The following ROBO2 variants were observed in gnomAD, a reference collection of about 807,000 sequenced individuals.
ROBO2 encodes roundabout guidance receptor 2.
ROBO2 carries 53 observed loss-of-function variants against 160.8 expected under a neutral mutation model. The ratio of observed to expected loss-of-function variants is 0.33; its 90% CI spans 0.26 to 0.41. ROBO2 has a LOEUF of 0.41. ROBO2 is among the 10% of genes least tolerant of loss of function. ROBO2 has a pLI of 1.00. For missense variants in ROBO2, 1,577 were observed against 1,722.4 expected, an observed-to-expected ratio of 0.92 and a Z score of 1.49; for synonymous variants, 664 against 611.7, an observed-to-expected ratio of 1.09 and a Z score of -1.26.
chr3:76,059,975 T>G (rs967001874), intron 2 of ROBO2, among the ~76,000 whole-genome samples: 5 of 152,202 alleles, frequency 3.3e-5, no homozygotes, highest in African/African-American at 1.2e-4. Context: ...TGTGATGTTA[T>G]TTGTGAGGGC....
At chr3:77,537,339 A>C (rs996195586) in intron 6 of ROBO2, among the ~76,000 whole-genome samples, 3 of 152,178 alleles carry the variant, frequency 2.0e-5, no homozygotes, top group Non-Finnish European at 4.4e-5. Context: ...ACCATCAACA[A>C]ATTCCAAGAC....
chr3:76,100,404 A>G (rs181369168), intron 2 of ROBO2, among the ~76,000 whole-genome samples: 7 of 152,324 alleles, frequency 4.6e-5, no homozygotes, highest in Admixed American at 4.6e-4. Context: ...GCTCTCTGCA[A>G]CTTCAAGACT....
chr3:76,461,333 C>A (rs920155152), intron 2 of ROBO2, among the ~76,000 whole-genome samples: 1 of 152,164 alleles, frequency 6.6e-6, no homozygotes, highest in Non-Finnish European at 1.5e-5. Context: ...CATCTCCCAC[C>A]AGGCTCTGCC....
At chr3:76,050,300 GT>G (rs1378284354) in intron 2 of ROBO2, among the ~76,000 whole-genome samples, 2 of 152,130 alleles carry the variant, frequency 1.3e-5, no homozygotes, top group African/African-American at 4.8e-5. Context: ...CAGACTCTAA[GT>G]TCTTCAGCTT....
chr3:76,262,901 T>C lies in ROBO2; in HGVS notation c.109+325299T>C, dbSNP rs554395667. Reference sequence around the variant, plus strand: ...AAATTGGTTCCAAATCTTCTAAAAATTTAAAAAGTTGGAAATTCAAGTTTT... The same window carrying C: ...AAATTGGTTCCAAATCTTCTAAAAACTTAAAAAGTTGGAAATTCAAGTTTT... On this transcript the variant is annotated intron_variant, in intron 2 of 26. Coordinates refer to the ROBO2 transcript ENST00000487694. 3.3e-5 allele frequency among the ~76,000 whole-genome samples: 5 copies of C among 152,242 alleles called. No homozygotes were observed. The South Asian group carries it at 8.3e-4, about 25-fold the overall frequency.
intron 2 of ROBO2, among the ~76,000 whole-genome samples, chr3:76,416,012 A>G (rs1308186583): frequency 6.6e-6 from 1 of 152,164 alleles, no homozygotes; most frequent in Non-Finnish European, 1.5e-5. Flanking sequence ...ACACACAAAC[A>G]GCATGCAGGA....
intron 2 of ROBO2, among the ~76,000 whole-genome samples, chr3:77,370,616 C>T (rs1490454503): frequency 6.6e-6 from 1 of 152,242 alleles, no homozygotes; most frequent in African/African-American, 2.4e-5. Flanking sequence ...ACCACGGCCA[C>T]ATGCCAGGTC....
chr3:77,186,480 G>A (rs539291894), intron 2 of ROBO2, among the ~76,000 whole-genome samples: 6 of 152,092 alleles, frequency 3.9e-5, no homozygotes, highest in African/African-American at 1.4e-4. Flanking sequence ...ATGCAGGCAA[G>A]GCTGAGGAAT....
chr3:76,758,669 A>G (rs1560510623), intron 2 of ROBO2, among the ~76,000 whole-genome samples: 2 of 151,812 alleles, frequency 1.3e-5, no homozygotes, highest in South Asian at 4.1e-4. Context: ...GGAAAATGAA[A>G]CTTCTATGAT....
intron 2 of ROBO2, among the ~76,000 whole-genome samples, chr3:76,568,536 G>A (rs1417339563): frequency 6.6e-6 from 1 of 151,036 alleles, no homozygotes; most frequent in African/African-American, 2.4e-5. Flanking sequence ...TCGATCTCCT[G>A]ACCTCGTGAT....
rs530925248 is a variant in ROBO2, at chr3:76,036,573, C to T, written c.109+98971C>T. ...AGGCTGGAGCTCAATGGCGTGATCTCGGCTCACCGCAACCTCTGCCTCCCA... is the reference window on the plus strand; with the variant it reads ...AGGCTGGAGCTCAATGGCGTGATCTTGGCTCACCGCAACCTCTGCCTCCCA... On this transcript the variant is annotated intron_variant, in intron 2 of 26. Coordinates refer to the ROBO2 transcript ENST00000487694. Among the ~76,000 whole-genome samples the T allele has an allele frequency of 7.2e-5, 11 of 151,998 alleles. No individual in the cohort carries two copies. The South Asian group carries it at 8.3e-4, about 11-fold the overall frequency.
At chr3:76,402,674 G>A (rs757274934) in intron 2 of ROBO2, among the ~76,000 whole-genome samples, 25 of 151,528 alleles carry the variant, frequency 1.6e-4, no homozygotes, top group Non-Finnish European at 3.3e-4. Context: ...CTAACTGGCT[G>A]CAAAGTGAGA....
chr3:77,240,292 TG>T (rs1312129239), intron 2 of ROBO2, among the ~76,000 whole-genome samples: 4 of 152,112 alleles, frequency 2.6e-5, no homozygotes, highest in Non-Finnish European at 5.9e-5. Context: ...CTGGCAGTGC[TG>T]GGGGACCCGG....
At chr3:77,477,134 C>T (rs1313360576) in intron 2 of ROBO2, among the ~76,000 whole-genome samples, 2 of 152,014 alleles carry the variant, frequency 1.3e-5, no homozygotes, top group Non-Finnish European at 1.5e-5. Context: ...TTTAATTAAT[C>T]GCAGAACTGT....
At chr3:77,060,261 C>A (rs770794156) in intron 1 of ROBO2, among the ~76,000 whole-genome samples, 1 of 152,100 alleles carries the variant, frequency 6.6e-6, no homozygotes, top group Non-Finnish European at 1.5e-5. Flanking sequence ...GCCAGGCTAC[C>A]CATTCCAGCT....
chr3:76,748,872 A>G (rs902041007), intron 2 of ROBO2, among the ~76,000 whole-genome samples: 2 of 151,956 alleles, frequency 1.3e-5, no homozygotes, highest in African/African-American at 4.8e-5. Flanking sequence ...ATACAAATAT[A>G]AAAGTATTAG....
intron 2 of ROBO2, among the ~76,000 whole-genome samples, chr3:76,605,935 T>C (rs1230878496): frequency 6.6e-6 from 1 of 152,134 alleles, no homozygotes; most frequent in East Asian, 1.9e-4. Flanking sequence ...ATAACATCAT[T>C]GTCTTTCAAG....
At chr3:77,102,676 A>AT (rs573107949) in intron 2 of ROBO2, among the ~76,000 whole-genome samples, 98 of 152,014 alleles carry the variant, frequency 6.4e-4, no homozygotes, top group Middle Eastern at 3.2e-3. Context: ...GTCTTGACTG[A>AT]TTTTTTGGAA....
intron 2 of ROBO2, among the ~76,000 whole-genome samples, chr3:76,876,859 A>C (rs2072787951): frequency 6.6e-6 from 1 of 152,208 alleles, no homozygotes; most frequent in African/African-American, 2.4e-5. Context: ...TGCAATTAGA[A>C]AGTGTTAGCA....
Sources: allele counts gnomAD v4.1 joint callset (sites outside exome capture counted in the v4.1 genomes callset), GRCh38; gene constraint gnomAD v4.1.1; transcripts MANE v1.5; gene names NCBI Gene and HGNC (gene_info 2026-07-23, HGNC 2026-07-21).